The following ZFPM2 variants were observed in gnomAD, a reference collection of about 807,000 sequenced individuals.
ZFPM2 encodes the protein zinc finger protein, FOG family member 2.
ZFPM2 carries 20 observed loss-of-function variants against 98.6 expected under a neutral mutation model. That is an observed-to-expected ratio of 0.20 (90% CI 0.14 to 0.29). The LOEUF (loss-of-function observed/expected upper bound fraction) is 0.29. ZFPM2 is among the 10% of genes least tolerant of loss of function. The probability of loss-of-function intolerance (pLI) is 1.00; values close to 1 mark genes in which losing one functional copy is unlikely to be tolerated. For missense variants in ZFPM2, 1,310 were observed against 1,388.6 expected (o/e 0.94, Z 0.90); for synonymous variants, 518 against 502.7 (o/e 1.03, Z -0.41).
chr8:105,587,619 G>T (rs1412138437), intron 4 of ZFPM2, among the ~76,000 whole-genome samples: 1 of 150,140 alleles, frequency 6.7e-6, no homozygotes, highest in Non-Finnish European at 1.5e-5. Flanking sequence ...CTCTTTTCAG[G>T]TTTCTGAAGA....
chr8:105,513,777 T>C (rs1212278785), intron 3 of ZFPM2, among the ~76,000 whole-genome samples: 1 of 152,234 alleles, frequency 6.6e-6, no homozygotes, highest in African/African-American at 2.4e-5. Context: ...GTTTAGAATA[T>C]TTAAACATTT....
At chr8:105,785,152 G>A (rs1370788523) in intron 5 of ZFPM2, 1 of 152,086 alleles carries the variant, frequency 6.6e-6, no homozygotes, top group African/African-American at 2.4e-5. Flanking sequence ...ATTAGAATGT[G>A]CTGATCACTT....
chr8:105,579,484 G>T (rs1815539868), intron 4 of ZFPM2, among the ~76,000 whole-genome samples: 3 of 152,204 alleles, frequency 2.0e-5, no homozygotes, highest in Admixed American at 2.0e-4. Flanking sequence ...GGAAGCAGGG[G>T]ACTGCACTTT....
intron 3 of ZFPM2, among the ~76,000 whole-genome samples, chr8:105,489,466 A>ATATATATATATATATATTTTT (rs1554610604): frequency 3.3e-5 from 4 of 119,774 alleles, no homozygotes; most frequent in African/African-American, 1.4e-4. Flanking sequence ...ATATATATAT[A>ATATATATATATATATATTTTT]TTTTTTTTTT....
intron 1 of ZFPM2, among the ~76,000 whole-genome samples, chr8:105,414,339 A>G (rs1490832064): frequency 6.6e-6 from 1 of 151,986 alleles, no homozygotes; most frequent in Non-Finnish European, 1.5e-5. Flanking sequence ...ACTTAATTTC[A>G]TCTTAGATGC....
In ZFPM2 at chr8:105,453,607, AT is replaced by A. The variant is rs199600476; in HGVS notation, c.301+9235del. The stretch of plus-strand genomic sequence containing the variant: ...ATCTGATTTCATCAATTCCTTCTAA[AT>A]TTTTTTTTCTGGAGTTTTTTTTGTT... On this transcript the variant is annotated intron_variant, in intron 3 of 7. Transcript: ENST00000407775. Among the ~76,000 whole-genome samples, 559 of 150,790 alleles carry A rather than the reference AT, an allele frequency of 3.7e-3. 8 individuals carry two copies. Among genetic ancestry groups the A allele is most frequent in the African/African-American group, 0.013 (517 of 41,114 alleles).
At chr8:105,542,088 C>T (rs1393155227) in intron 3 of ZFPM2, among the ~76,000 whole-genome samples, 4 of 151,958 alleles carry the variant, frequency 2.6e-5, no homozygotes. Context: ...AGAGGGAATA[C>T]TTTATTATTT....
At position 105,602,161 on chromosome 8, in the gene ZFPM2, A is replaced by G. The variant is rs1170899674; in HGVS notation, c.421-32085A>G. Among the ~76,000 whole-genome samples the G allele has an allele frequency of 2.0e-5, 3 of 152,132 alleles. 1 individual carries two copies. Among genetic ancestry groups the G allele is most frequent in the Non-Finnish European group, 4.4e-5 (3 of 68,006 alleles). ...TAAGGAAAAGACTTACTGTCCCAGC[A>G]TAGCAGAGGAACACACCTAAGGCTA... On this transcript the variant is annotated intron_variant, in intron 4 of 7. Transcript: ENST00000407775.
At chr8:105,747,291 AT>A (rs1812370674) in intron 5 of ZFPM2, among the ~76,000 whole-genome samples, 1 of 152,064 alleles carries the variant, frequency 6.6e-6, no homozygotes, top group Non-Finnish European at 1.5e-5. Flanking sequence ...TTAACTCCAA[AT>A]TTCCAAGTCA....
At chr8:105,517,031 T>A in intron 3 of ZFPM2, among the ~76,000 whole-genome samples, 1 of 152,238 alleles carries the variant, frequency 6.6e-6, no homozygotes, top group East Asian at 1.9e-4. Context: ...TGAGTAACTT[T>A]CACTTACTTG....
intron 1 of ZFPM2, chr8:105,418,730 A>T (rs2130077338): frequency 2.1e-6 from 1 of 487,460 alleles, no homozygotes; most frequent in Non-Finnish European, 4.0e-6. Context: ...GCATTCAATT[A>T]CTTTAAATCT....
chr8:105,691,977 A>ATTTGCCTACTAAATTGAC (rs1810896061), intron 5 of ZFPM2, among the ~76,000 whole-genome samples: 2 of 152,224 alleles, frequency 1.3e-5, no homozygotes, highest in East Asian at 3.9e-4. Context: ...TAGGCAAAAC[A>ATTTGCCTACTAAATTGAC]TTTAGGCAAA....
intron 1 of ZFPM2, 49 bp downstream of exon 1, chr8:105,319,030 C>T: frequency 2.0e-6 from 3 of 1,466,384 alleles, no homozygotes; most frequent in South Asian, 1.3e-5. Context: ...TGCCCAGGAG[C>T]GGGGTGCGCG....
At chr8:105,700,762 A>C (rs1811123157) in intron 5 of ZFPM2, among the ~76,000 whole-genome samples, 2 of 151,820 alleles carry the variant, frequency 1.3e-5, no homozygotes, top group South Asian at 4.2e-4. Context: ...CGCCTGGCTA[A>C]TTTTTGTATT....
intron 1 of ZFPM2, among the ~76,000 whole-genome samples, chr8:105,368,422 C>T (rs1359777077): frequency 6.6e-6 from 1 of 152,144 alleles, no homozygotes; most frequent in East Asian, 1.9e-4. Flanking sequence ...GGTTTATTTG[C>T]TCTTTGTACT....
intron 5 of ZFPM2, among the ~76,000 whole-genome samples, chr8:105,710,900 C>T (rs1387708509): frequency 6.6e-6 from 1 of 152,016 alleles, no homozygotes; most frequent in Admixed American, 6.6e-5. Context: ...CACTTGGAAT[C>T]CCTTCAAGGG....
At chr8:105,611,147 A>C (rs2130799617) in intron 4 of ZFPM2, among the ~76,000 whole-genome samples, 1 of 152,264 alleles carries the variant, frequency 6.6e-6, no homozygotes, top group East Asian at 1.9e-4. Context: ...ATATTAACTG[A>C]AAAATGCCCA....
At position 105,373,452 on chromosome 8, in the gene ZFPM2, G is replaced by A. The variant is rs546006628; in HGVS notation, c.41-45692G>A. ...TCGTTTTTTTCTCCTGAAATCTCAC[G>A]CCATTTCTTAAAGGCATCTGATGGA... On this transcript the variant is annotated intron_variant, in intron 1 of 7. Transcript: ENST00000407775. Among the ~76,000 whole-genome samples, 248 of 152,060 alleles carry A rather than the reference G, an allele frequency of 1.6e-3. 2 individuals are homozygous for A. Among genetic ancestry groups the A allele is most frequent in the Non-Finnish European group, 2.6e-3 (179 of 67,996 alleles).
intron 5 of ZFPM2, among the ~76,000 whole-genome samples, chr8:105,740,385 T>C (rs529401756): frequency 2.0e-5 from 3 of 151,882 alleles, no homozygotes; most frequent in African/African-American, 7.2e-5. Flanking sequence ...AAAAAGATGA[T>C]GGTAAATTAT....
Sources: gnomAD v4.1 joint callset for allele counts (sites outside exome capture counted in the v4.1 genomes callset) on GRCh38, gnomAD v4.1.1 for gene constraint, MANE v1.5 for transcripts, NCBI Gene and HGNC (gene_info 2026-07-23, HGNC 2026-07-21) for gene names.